KCNV2: variants seen among roughly 807,000 people sequenced by gnomAD.
The protein encoded by KCNV2 is potassium voltage-gated channel modifier subfamily V member 2.
A neutral mutation model predicts 37.0 loss-of-function variants in KCNV2; 65 were observed. That is an observed-to-expected ratio of 1.76 (90% CI 1.44 to 2.16). The LOEUF is 2.16. KCNV2 is among the 30% of genes most tolerant of loss of function. The pLI, the probability that KCNV2 is intolerant of heterozygous loss-of-function variation, is 0.00. For missense variants in KCNV2, 1,232 were observed against 766.7 expected, an observed-to-expected ratio of 1.61 and a Z score of -7.17; for synonymous variants, 518 against 328.6, an observed-to-expected ratio of 1.58 and a Z score of -6.23.
Position 2,718,195 on chromosome 9 carries a change from C to G in KCNV2, c.456C>G (p.Asp152Glu), listed in dbSNP as rs747542620. 1.2e-6 allele frequency: 2 copies of G among 1,613,362 alleles called. No individual in the cohort carries two copies. Among genetic ancestry groups the G allele is most frequent in the East Asian group, 2.2e-5 (1 of 44,850 alleles). The change falls in exon 1 of 2, where the codon GAC becomes GAG. Residue 152 changes from aspartate (D) to glutamate (E), a missense_variant. Transcript: ENST00000382082. ...AGCAGACAGACGAATACTTCTTCGA[C>G]CGCGACCCGGCCGTCTTCCAGCTGG... The part of the protein sequence containing the change: ...YEEQTDEYFF[D>E]RDPAVFQLVY...
chr9:2,720,595 G>T (rs1819848475), intron 1 of KCNV2: 2 of 152,194 alleles, frequency 1.3e-5, no homozygotes, highest in Non-Finnish European at 2.9e-5. Flanking sequence ...CCCAGCAAAT[G>T]ACATTTACTT....
chr9:2,718,276 C>G lies in KCNV2; in HGVS notation c.537C>G (p.Arg179=). ...TGGTGCTCGACGGGCTGTGTCCGCG[C>G]CGCTTCCTGGAGGAGCTGGGCTACT... ...VLLVLDGLCP[R]RFLEELGYWG... The change falls in exon 1 of 2, where the codon CGC becomes CGG. Residue 179 remains arginine (R), a synonymous_variant. Transcript: ENST00000382082. 1.2e-6 allele frequency: 2 copies of G among 1,612,042 alleles called. No homozygotes were observed. The highest frequency in any genetic ancestry group is 2.2e-5 in the South Asian group (2 of 90,952).
In KCNV2 at chr9:2,718,010, G is replaced by A. The variant is rs1016081678; in HGVS notation, c.271G>A (p.Asp91Asn). The change falls in exon 1 of 2, where the codon GAC becomes AAC. Residue 91 changes from aspartate to asparagine, a missense_variant. Coordinates refer to ENST00000382082, the MANE Select transcript of KCNV2 (RefSeq NM_133497.4). Reference sequence around the variant, plus strand: ...CACCGCCAAGCCCGAGGGCCCCAGCGACCCTCCGGCCCTGCTGTCCACGCT... The same window carrying A: ...CACCGCCAAGCCCGAGGGCCCCAGCAACCCTCCGGCCCTGCTGTCCACGCT... ...VTTAKPEGPS[D>N]PPALLSTLNV... 1.9e-6 allele frequency: 3 copies of A among 1,613,514 alleles called. No homozygotes were observed. Among genetic ancestry groups the A allele is most frequent in the African/African-American group, 1.3e-5 (1 of 74,916 alleles).
intron 1 of KCNV2, among the ~76,000 whole-genome samples, chr9:2,726,705 A>G (rs1011031688): frequency 7.2e-5 from 11 of 152,156 alleles, no homozygotes; most frequent in African/African-American, 1.9e-4. Flanking sequence ...GGGGTCCCCA[A>G]TCCCGGGCTG....
Position 2,717,888 on chromosome 9 carries a change from A to T in KCNV2, c.149A>T (p.Asn50Ile), listed in dbSNP as rs770575580. The T allele has an allele frequency of 5.0e-6, 8 of 1,614,208 alleles. No individual in the cohort carries two copies. In the South Asian group the frequency reaches 6.6e-5, roughly 13 times the overall value. Reference sequence around the variant, plus strand: ...AGCATCCACGGCTGGACAGAGGGCAACTATAACTACTACATCGAGGAAGAC... The same window carrying T: ...AGCATCCACGGCTGGACAGAGGGCATCTATAACTACTACATCGAGGAAGAC... ...QASIHGWTEG[N>I]YNYYIEEDED... Residue 50 changes from asparagine (N) to isoleucine (I), a missense_variant, in exon 1 of 2, where the codon AAC becomes ATC. Transcript: ENST00000382082.
At chr9:2,719,339 T>C (rs1819818715) in intron 1 of KCNV2, among the ~76,000 whole-genome samples, 1 of 152,214 alleles carries the variant, frequency 6.6e-6, no homozygotes, top group African/African-American at 2.4e-5. Context: ...GATTTCGTCT[T>C]CAAACCTTTA....
chr9:2,718,730 G>T lies in KCNV2; in HGVS notation c.991G>T (p.Ala331Ser), dbSNP rs545829113. The T allele has an allele frequency of 1.9e-4, 306 of 1,612,438 alleles. 2 individuals are homozygous for T. The Admixed American group carries it at 4.5e-3, about 24-fold the overall frequency. The change falls in exon 1 of 2, where the codon GCG becomes TCG. Residue 331 changes from alanine (A) to serine (S), a missense_variant. Physicochemically the swap from Ala to Ser is moderately conservative, Grantham distance 99. Coordinates refer to ENST00000382082, the MANE Select transcript of KCNV2 (RefSeq NM_133497.4). ...CTCCACGCCCGACCTGAGGCGCTTC[G>T]CGCGCAGCGCCCTCAACCTGGTGGA... ...LASTPDLRRF[A>S]RSALNLVDLV...
In KCNV2 at chr9:2,718,076, T is replaced by C; in HGVS notation, c.337T>C (p.Cys113Arg). The change falls in exon 1 of 2, where the codon TGC becomes CGC. Residue 113 changes from cysteine to arginine, a missense_variant. Transcript: ENST00000382082. Reference sequence around the variant, plus strand: ...TGGCCACAGCTACCAGCTGGACTACTGCGAGCTGGCCGGCTTCCCCAAGAC... The same window carrying C: ...TGGCCACAGCTACCAGCTGGACTACCGCGAGCTGGCCGGCTTCCCCAAGAC... ...VGGHSYQLDY[C>R]ELAGFPKTRL... is the part of the protein sequence containing the mutation. The C allele has an allele frequency of 1.2e-6, 2 of 1,603,150 alleles. No individual in the cohort carries two copies. The highest frequency in any genetic ancestry group is 1.7e-6 in the Non-Finnish European group (2 of 1,174,556).
intron 1 of KCNV2, 58 bp downstream of exon 1, chr9:2,719,153 T>C (rs1329949132): frequency 3.8e-6 from 6 of 1,581,834 alleles, no homozygotes; most frequent in Non-Finnish European, 5.1e-6. Flanking sequence ...GAGCTGCTCC[T>C]CCCTCCCCTG....
intron 1 of KCNV2, chr9:2,720,645 A>T (rs575746055): frequency 6.6e-6 from 1 of 152,330 alleles, no homozygotes; most frequent in East Asian, 1.9e-4. Flanking sequence ...GTAAATCCAC[A>T]TGCTGATGAT....
intron 1 of KCNV2, among the ~76,000 whole-genome samples, chr9:2,721,626 T>C (rs193023970): frequency 8.5e-5 from 13 of 152,282 alleles, no homozygotes; most frequent in African/African-American, 3.1e-4. Flanking sequence ...ATGTGCCCAG[T>C]AGTATTCTTA....
Position 2,718,364 on chromosome 9 carries a change from G to T in KCNV2, c.625G>T (p.Glu209Ter), listed in dbSNP as rs200148749. Residue 209 changes from glutamate (E) to a stop codon, truncating the protein, a stop_gained, in exon 1 of 2, where the codon GAG becomes TAG. Coordinates refer to ENST00000382082, the MANE Select transcript of KCNV2 (RefSeq NM_133497.4). LOFTEE classifies it high-confidence loss of function. ...CRICFEERRD[E>*]LSERLKIQHE... is the part of the protein sequence containing the mutation. ...CATCTGCTTCGAGGAGCGGCGCGAC[G>T]AGCTGAGCGAACGGCTCAAGATCCA... The T allele has an allele frequency of 2.5e-6, 4 of 1,599,036 alleles. No individual in the cohort carries two copies. The highest frequency in any genetic ancestry group is 1.3e-5 in the African/African-American group (1 of 74,814).
rs777796916 is a variant in KCNV2, at chr9:2,717,828, T to A, written c.89T>A (p.Ile30Asn). The change falls in exon 1 of 2, where the codon ATT (isoleucine) becomes AAT (asparagine). Residue 30 changes from isoleucine (I) to asparagine (N), a missense_variant. Physicochemically the swap from Ile to Asn is moderately radical, Grantham distance 149. Coordinates refer to ENST00000382082, the MANE Select transcript of KCNV2 (RefSeq NM_133497.4). ...GAGGGCAGCCAACACCGCAGGAGCA[T>A]TTGCTCCCTGGGTGCCCGTTCCGGC... is the stretch of plus-strand genomic sequence containing the variant. Reference protein sequence around the residue: ...ENEGSQHRRSICSLGARSGSQ... With the variant: ...ENEGSQHRRSNCSLGARSGSQ... 9 of 1,614,042 alleles carry A rather than the reference T, an allele frequency of 5.6e-6. No individual in the cohort carries two copies. Among genetic ancestry groups the A allele is most frequent in the Non-Finnish European group, 7.6e-6 (9 of 1,180,026 alleles).
chr9:2,725,720 A>G (rs900579199), intron 1 of KCNV2, among the ~76,000 whole-genome samples: 39 of 152,148 alleles, frequency 2.6e-4, no homozygotes, highest in African/African-American at 8.9e-4. Context: ...ATTTTGAAAA[A>G]TAAGTTTTAT....
At chr9:2,722,601 A>G (rs1312431359) in intron 1 of KCNV2, among the ~76,000 whole-genome samples, 1 of 131,286 alleles carries the variant, frequency 7.6e-6, no homozygotes, top group Non-Finnish European at 1.5e-5. Context: ...TTATTTATTT[A>G]TAAATAAATT....
chr9:2,718,256 C>T lies in KCNV2; in HGVS notation c.517C>T (p.Leu173Phe), dbSNP rs760750739. 29 of 1,612,808 alleles carry T rather than the reference C, an allele frequency of 1.8e-5. No homozygotes were observed. Among genetic ancestry groups the T allele is most frequent in the East Asian group, 4.5e-5 (2 of 44,878 alleles). Reference sequence around the variant, plus strand: ...CTACCTGTCCGGGGTGCTGCTGGTGCTCGACGGGCTGTGTCCGCGCCGCTT... The same window carrying T: ...CTACCTGTCCGGGGTGCTGCTGGTGTTCGACGGGCTGTGTCCGCGCCGCTT... Reference protein sequence around the residue: ...NFYLSGVLLVLDGLCPRRFLE... With the variant: ...NFYLSGVLLVFDGLCPRRFLE... The change falls in exon 1 of 2, where the codon CTC (leucine) becomes TTC (phenylalanine). Residue 173 changes from leucine (L) to phenylalanine (F), a missense_variant. Leu to Phe is a conservative substitution (Grantham distance 22, BLOSUM62 0). Transcript: ENST00000382082.
At chr9:2,729,335 C>T (rs1383074751) in intron 1 of KCNV2, 111 bp from the exon 2 acceptor site, 2 of 1,198,576 alleles carry the variant, frequency 1.7e-6, no homozygotes, top group Admixed American at 3.6e-5. Flanking sequence ...GAAGCCATTA[C>T]ACTTCCCATG....
At chr9:2,722,314 TATAA>T (rs1221286833) in intron 1 of KCNV2, among the ~76,000 whole-genome samples, 23 of 134,218 alleles carry the variant, frequency 1.7e-4, no homozygotes, top group South Asian at 6.6e-4. Context: ...AGAAGTTATT[TATAA>T]ATAAATTAGA....
intron 1 of KCNV2, among the ~76,000 whole-genome samples, chr9:2,725,239 T>C (rs991206921): frequency 6.6e-6 from 1 of 152,200 alleles, no homozygotes; most frequent in African/African-American, 2.4e-5. Flanking sequence ...TTGTACCACT[T>C]ACAAACATGT....
Sources: gnomAD v4.1 joint callset for allele counts (sites outside exome capture counted in the v4.1 genomes callset) on GRCh38, gnomAD v4.1.1 for gene constraint, MANE v1.5 for transcripts, NCBI Gene and HGNC (gene_info 2026-07-23, HGNC 2026-07-21) for gene names.